The following ENY2 variants were observed in gnomAD, a reference collection of about 807,000 sequenced individuals.
ENY2 encodes transcription and mRNA export factor ENY2.
Under a neutral mutation model 15.9 loss-of-function variants are expected in ENY2, and 4 were observed. That is an observed-to-expected ratio of 0.25 (90% CI 0.12 to 0.57). The LOEUF is 0.57. ENY2 is among the 20% of genes least tolerant of loss of function. The pLI is 0.91. For synonymous variants in ENY2, 48 were observed against 38.0 expected (o/e 1.26, Z -0.97); for missense variants, 54 against 117.2 (o/e 0.46, Z 2.49).
chr8:109,335,954 C>T, intron 1 of ENY2, 174 bp from the exon 2 acceptor site: 1 of 538,444 alleles, frequency 1.9e-6, no homozygotes, highest in South Asian at 3.2e-5. Flanking sequence ...ACTGCATTAG[C>T]CCAGTGCCAA....
chr8:109,338,758 G>A (rs1220176507), intron 2 of ENY2: 2 of 152,106 alleles, frequency 1.3e-5, no homozygotes, highest in Non-Finnish European at 1.5e-5. Flanking sequence ...TTACTGAATC[G>A]TTAAAATGTG....
At position 109,344,060 on chromosome 8, in the gene ENY2, T is replaced by C. The variant is rs1816179672; in HGVS notation, c.*579T>C. 6.6e-6 allele frequency: 1 copy of C among 152,260 alleles called. No individual in the cohort carries two copies. Among genetic ancestry groups the C allele is most frequent in the Non-Finnish European group, 1.5e-5 (1 of 68,066 alleles). 9.4% of individuals were successfully genotyped at this position (152,260 alleles called of 1,614,324 possible). ...ATACTCTACTCATCTGAACTTTGAA[T>C]GCAGAATCTTTAAATTGCAACCCCA... is the stretch of plus-strand genomic sequence containing the variant. On this transcript the variant is annotated 3_prime_UTR_variant, in exon 5 of 5. Transcript: ENST00000521688.
rs777970644 is a variant in ENY2 at position 109,340,550 on chromosome 8, T to C, written c.216T>C (p.Thr72=). ...VTVDDLVAEI[T]PKGRALVPDS... Reference sequence around the variant, plus strand: ...TTGATGACTTGGTGGCTGAAATCACTCCAAAAGGCAGAGGTAAGGAATACA... The same window carrying C: ...TTGATGACTTGGTGGCTGAAATCACCCCAAAAGGCAGAGGTAAGGAATACA... The change falls in exon 4 of 5, where the codon ACT becomes ACC. Residue 72 remains threonine (T), a synonymous_variant. Transcript: ENST00000521688. 6.2e-7 allele frequency: 1 copy of C among 1,613,486 alleles called. No individual in the cohort carries two copies. The highest frequency in any genetic ancestry group is 1.1e-5 in the South Asian group (1 of 91,064).
chr8:109,341,540 C>T (rs992201387), intron 4 of ENY2, among the ~76,000 whole-genome samples: 1 of 152,046 alleles, frequency 6.6e-6, no homozygotes, highest in Non-Finnish European at 1.5e-5. Flanking sequence ...CTGTGACTTA[C>T]ACTTATTCTG....
intron 4 of ENY2, chr8:109,342,753 C>T (rs1408336538): frequency 4.3e-6 from 3 of 697,124 alleles, no homozygotes; most frequent in Non-Finnish European, 7.8e-6. Context: ...ATCCTCCTGC[C>T]TCAACCTTCC....
intron 4 of ENY2, among the ~76,000 whole-genome samples, chr8:109,341,497 A>G (rs375800651): frequency 2.6e-5 from 4 of 152,214 alleles, no homozygotes; most frequent in African/African-American, 7.2e-5. Flanking sequence ...ATATTTTTAA[A>G]TTTCTCTAAA....
intron 1 of ENY2, 26 bp from the exon 2 acceptor site, chr8:109,336,102 A>G (rs1815978628): frequency 6.2e-7 from 1 of 1,609,584 alleles, no homozygotes; most frequent in Non-Finnish European, 8.5e-7. Flanking sequence ...AATGTTCTAT[A>G]TCTGAAAGTA....
chr8:109,338,481 A>T (rs1301237885), intron 2 of ENY2: 1 of 152,192 alleles, frequency 6.6e-6, no homozygotes, highest in Non-Finnish European at 1.5e-5. Context: ...ATTAAGATTG[A>T]AAGACCTAAT....
intron 4 of ENY2, among the ~76,000 whole-genome samples, chr8:109,341,762 G>A (rs1381888745): frequency 3.3e-5 from 5 of 152,164 alleles, no homozygotes; most frequent in South Asian, 4.2e-4. Context: ...TAAAATTGTC[G>A]TTTTTTAGTG....
chr8:109,334,498 G>C (rs1019121180), intron 1 of ENY2, 24 bp downstream of exon 1: 1 of 1,611,618 alleles, frequency 6.2e-7, no homozygotes, highest in Admixed American at 1.7e-5. Flanking sequence ...GTGGTCCTCA[G>C]GGCCGGGACC....
intron 4 of ENY2, 103 bp from the exon 5 acceptor site, chr8:109,343,302 A>C (rs1816162180): frequency 1.2e-6 from 1 of 810,338 alleles, no homozygotes; most frequent in African/African-American, 1.8e-5. Context: ...AGGGTTATTT[A>C]TGAAATTCTT....
chr8:109,342,853 A>G (rs1157964897), intron 4 of ENY2: 1 of 561,666 alleles, frequency 1.8e-6, no homozygotes, highest in Non-Finnish European at 3.2e-6. Context: ...TTGGTAAAAT[A>G]TGCTATGTAA....
chr8:109,341,168 T>C (rs1816104770), intron 4 of ENY2, among the ~76,000 whole-genome samples: 1 of 152,186 alleles, frequency 6.6e-6, no homozygotes, highest in African/African-American at 2.4e-5. Flanking sequence ...AGCTACATCA[T>C]TGTTATCTTA....
rs1243863724 is a variant in ENY2 at position 109,345,074 on chromosome 8, CT to C, written c.*1596del. On this transcript the variant is annotated 3_prime_UTR_variant, in exon 5 of 5. Coordinates refer to ENST00000521688, the MANE Select transcript of ENY2 (RefSeq NM_020189.6). ...AAGTACCTTTGAACCCAGAAGCCCC[CT>C]TTCTCATATGTTTCTCATTCCTGTT... 1 of 152,184 alleles carries C rather than the reference CT, an allele frequency of 6.6e-6. No homozygotes were observed. Among genetic ancestry groups the C allele is most frequent in the Non-Finnish European group, 1.5e-5 (1 of 68,050 alleles). The allele number at this position is 152,184 out of a possible 1,614,324, so 9.4% of individuals were successfully genotyped here.
rs536929485 is a variant in ENY2 at position 109,345,074 on chromosome 8, C to T, written c.*1593C>T. On this transcript the variant is annotated 3_prime_UTR_variant, in exon 5 of 5. Transcript: ENST00000521688. ...AAGTACCTTTGAACCCAGAAGCCCC[C>T]TTTCTCATATGTTTCTCATTCCTGT... The T allele has an allele frequency of 9.2e-5, 14 of 152,302 alleles. No homozygotes were observed. The highest frequency in any genetic ancestry group is 3.1e-4 in the African/African-American group (13 of 41,576). The allele number at this position is 152,302 out of a possible 1,614,324, so 9.4% of individuals were successfully genotyped here.
At chr8:109,340,335 A>C in intron 3 of ENY2, 154 bp from the exon 4 acceptor site, 1 of 1,009,240 alleles carries the variant, frequency 9.9e-7, no homozygotes, top group Admixed American at 2.6e-5. Context: ...AGAATACTTG[A>C]TGTGTTTGTA....
intron 4 of ENY2, among the ~76,000 whole-genome samples, chr8:109,341,774 G>A (rs1816117482): frequency 6.6e-6 from 1 of 152,054 alleles, no homozygotes; most frequent in Non-Finnish European, 1.5e-5. Flanking sequence ...TTTTTAGTGT[G>A]CAGTTCTGTG....
rs761913745 is a variant in ENY2, at chr8:109,336,130, T to C, written c.9T>C (p.Val3=). Residue 3 remains valine, a splice_region_variant and synonymous_variant, in exon 2 of 5, where the codon GTT becomes GTC. Transcript: ENST00000521688. The part of the protein sequence containing the change: MV[V]SKMNKDAQMR... ...TGAAAGTACATGTTGATGTCCAGGT[T>C]AGCAAGATGAACAAAGATGCGCAGA... The C allele has an allele frequency of 6.2e-7, 1 of 1,613,392 alleles. No individual in the cohort carries two copies. Among genetic ancestry groups the C allele is most frequent in the Admixed American group, 1.7e-5 (1 of 60,016 alleles).
intron 4 of ENY2, chr8:109,342,770 C>T (rs917876106): frequency 2.6e-5 from 18 of 695,550 alleles, no homozygotes; most frequent in African/African-American, 2.5e-4. Context: ...TTCCAGACTG[C>T]TGGGATGACA....
Sources: gnomAD v4.1 joint callset for allele counts (sites outside exome capture counted in the v4.1 genomes callset) on GRCh38, gnomAD v4.1.1 for gene constraint, MANE v1.5 for transcripts, NCBI Gene and HGNC (gene_info 2026-07-23, HGNC 2026-07-21) for gene names.